Variants in RBMS1 observed in about 807,000 individuals in gnomAD.
RBMS1 encodes RNA binding motif single stranded interacting protein 1, also known as RNA-binding motif, single-stranded-interacting protein 1.
In RBMS1, 17 loss-of-function variants were observed where a neutral mutation model predicts 62.3. The ratio of observed to expected loss-of-function variants is 0.27; its 90% CI spans 0.19 to 0.41. The LOEUF is 0.41. Among genes scored for constraint, RBMS1 ranks in the 10% least tolerant of loss-of-function variants. The pLI is 1.00. For missense variants in RBMS1, 334 were observed against 504.5 expected (o/e 0.66, Z 3.24); for synonymous variants, 172 against 170.0 (o/e 1.01, Z -0.09).
intron 1 of RBMS1, among the ~76,000 whole-genome samples, chr2:160,377,503 G>C (rs781169981): frequency 2.0e-5 from 3 of 152,212 alleles, no homozygotes; most frequent in Non-Finnish European, 4.4e-5. Context: ...CTCCTGGTCT[G>C]TGTGAATGAA....
intron 9 of RBMS1, chr2:160,281,589 G>C: frequency 4.7e-6 from 2 of 424,008 alleles, no homozygotes; most frequent in Non-Finnish European, 8.5e-6. Context: ...CACTCAAGAA[G>C]TAATTGTTGA....
At chr2:160,434,698 C>T (rs1230443508) in intron 1 of RBMS1, among the ~76,000 whole-genome samples, 2 of 152,090 alleles carry the variant, frequency 1.3e-5, no homozygotes, top group African/African-American at 4.8e-5. Context: ...TTTGTGGCTA[C>T]CCTATTAGAC....
chr2:160,433,156 G>A (rs1682967738), intron 1 of RBMS1, among the ~76,000 whole-genome samples: 1 of 152,118 alleles, frequency 6.6e-6, no homozygotes, highest in African/African-American at 2.4e-5. Flanking sequence ...GCTCACATCT[G>A]TGGTCCCAGC....
intron 2 of RBMS1, among the ~76,000 whole-genome samples, chr2:160,322,811 C>A (rs1284058500): frequency 6.6e-6 from 1 of 152,204 alleles, no homozygotes. Context: ...GTTAGCTCCT[C>A]AGTGGGCAAC....
At chr2:160,426,330 G>GAAGA (rs1682615333) in intron 1 of RBMS1, among the ~76,000 whole-genome samples, 1 of 119,558 alleles carries the variant, frequency 8.4e-6, no homozygotes, top group South Asian at 3.3e-4. Context: ...AGGAAGGAAG[G>GAAGA]AAGGAAAGGA....
At chr2:160,401,061 T>A (rs1000898493) in intron 1 of RBMS1, among the ~76,000 whole-genome samples, 6 of 152,186 alleles carry the variant, frequency 3.9e-5, no homozygotes, top group Non-Finnish European at 7.4e-5. Flanking sequence ...CAAGAGAGAC[T>A]GGATGGTTGA....
chr2:160,321,490 G>GT (rs527734052), intron 2 of RBMS1, among the ~76,000 whole-genome samples: 13 of 151,900 alleles, frequency 8.6e-5, no homozygotes, highest in South Asian at 2.1e-4. Flanking sequence ...GTGTGTATGT[G>GT]TTTTTTTTAA....
intron 1 of RBMS1, among the ~76,000 whole-genome samples, chr2:160,408,858 G>C (rs1221730635): frequency 2.6e-5 from 4 of 152,212 alleles, no homozygotes; most frequent in Non-Finnish European, 5.9e-5. Context: ...ACTGGGACGG[G>C]CTTGCCATCC....
At chr2:160,305,288 C>G (rs1315468576) in intron 4 of RBMS1, among the ~76,000 whole-genome samples, 1 of 152,216 alleles carries the variant, frequency 6.6e-6, no homozygotes, top group Non-Finnish European at 1.5e-5. Context: ...ACTTCCAGTC[C>G]TCTAAGCTCC....
intron 2 of RBMS1, among the ~76,000 whole-genome samples, chr2:160,339,858 C>T (rs1367900907): frequency 1.3e-5 from 2 of 152,146 alleles, no homozygotes; most frequent in Non-Finnish European, 2.9e-5. Context: ...ATCATTACTG[C>T]TCATCAAATG....
intron 1 of RBMS1, among the ~76,000 whole-genome samples, chr2:160,384,522 C>G (rs2105196073): frequency 6.6e-6 from 1 of 152,280 alleles, no homozygotes; most frequent in South Asian, 2.1e-4. Flanking sequence ...TGGGCAACTT[C>G]TAAGGAGGCA....
At chr2:160,333,897 A>G (rs922861093) in intron 2 of RBMS1, among the ~76,000 whole-genome samples, 1 of 152,142 alleles carries the variant, frequency 6.6e-6, no homozygotes, top group Non-Finnish European at 1.5e-5. Flanking sequence ...ATGAAGCCCC[A>G]TAACATTTCA....
At chr2:160,380,702 G>A (rs939198579) in intron 1 of RBMS1, among the ~76,000 whole-genome samples, 3 of 152,122 alleles carry the variant, frequency 2.0e-5, no homozygotes, top group Admixed American at 6.5e-5. Flanking sequence ...GGTAAAGATC[G>A]GAACCAAGCA....
At chr2:160,455,373 T>G (rs1419063048) in intron 1 of RBMS1, among the ~76,000 whole-genome samples, 1 of 152,202 alleles carries the variant, frequency 6.6e-6, no homozygotes, top group African/African-American at 2.4e-5. Context: ...GCAGTATCAT[T>G]TTTTAGAATG....
chr2:160,331,223 A>AG (rs1374703282), intron 2 of RBMS1, among the ~76,000 whole-genome samples: 41 of 152,128 alleles, frequency 2.7e-4, no homozygotes, highest in African/African-American at 9.7e-4. Flanking sequence ...CAAATGAATA[A>AG]AACTCCAGCC....
At chr2:160,432,706 T>G (rs1437900851) in intron 1 of RBMS1, among the ~76,000 whole-genome samples, 1 of 152,060 alleles carries the variant, frequency 6.6e-6, no homozygotes, top group East Asian at 1.9e-4. Flanking sequence ...ATGTAAGATG[T>G]TTGGGCGGGG....
chr2:160,461,255 AAGAGAGAG>A (rs764820779), intron 1 of RBMS1, among the ~76,000 whole-genome samples: 3 of 150,666 alleles, frequency 2.0e-5, no homozygotes, highest in Non-Finnish European at 3.0e-5. Flanking sequence ...TCTCGAAAGA[AAGAGAGAG>A]AGAGAGAGAG....
chr2:160,413,664 T>C (rs927132868), intron 1 of RBMS1, among the ~76,000 whole-genome samples: 3 of 152,226 alleles, frequency 2.0e-5, no homozygotes, highest in African/African-American at 7.2e-5. Context: ...TCTGTCCTGG[T>C]TAACAAAACA....
At chr2:160,475,335 C>T (rs11695917) in intron 1 of RBMS1, among the ~76,000 whole-genome samples, 39,604 of 152,150 alleles carry the variant, frequency 0.26, 5,640 homozygotes, top group Admixed American at 0.41. Flanking sequence ...CCTCCTCTCT[C>T]GGGCTTCCTA....
Sources: gnomAD v4.1 joint callset for allele counts (sites outside exome capture counted in the v4.1 genomes callset) on GRCh38, gnomAD v4.1.1 for gene constraint, MANE v1.5 for transcripts, NCBI Gene and HGNC (gene_info 2026-07-23, HGNC 2026-07-21) for gene names.